Variants in ADAMTS19 observed in about 807,000 individuals in gnomAD.
The protein encoded by ADAMTS19 is A disintegrin and metalloproteinase with thrombospondin motifs 19.
ADAMTS19 carries 93 observed loss-of-function variants against 153.3 expected under a neutral mutation model. The observed-to-expected ratio is 0.61, with a 90% CI of 0.51 to 0.72. The LOEUF (loss-of-function observed/expected upper bound fraction) is 0.72. Ranked by LOEUF, ADAMTS19 falls within the 30% of genes least tolerant of loss-of-function variation. The pLI is 0.00. For synonymous variants in ADAMTS19, 600 were observed against 556.6 expected, an observed-to-expected ratio of 1.08 and a Z score of -1.10; for missense variants, 1,482 against 1,552.1, an observed-to-expected ratio of 0.95 and a Z score of 0.76.
chr5:129,679,730 T>TTAA, intron 16 of ADAMTS19, 34 bp from the exon 17 acceptor site: 1 of 1,534,166 alleles, frequency 6.5e-7, no homozygotes, highest in South Asian at 1.2e-5. Context: ...AGCTGACTTG[T>TTAA]TAATACTCAT....
At chr5:129,507,742 T>A (rs1263983449) in intron 2 of ADAMTS19, among the ~76,000 whole-genome samples, 1 of 147,020 alleles carries the variant, frequency 6.8e-6, no homozygotes, top group Admixed American at 6.8e-5. Context: ...GATTGAGACA[T>A]AGGGAAAGCA....
intron 2 of ADAMTS19, among the ~76,000 whole-genome samples, chr5:129,503,381 AT>A (rs1751165144): frequency 1.3e-5 from 2 of 152,220 alleles, no homozygotes; most frequent in Non-Finnish European, 2.9e-5. Context: ...AATCACTCCC[AT>A]TTACAGTAAT....
intron 18 of ADAMTS19, among the ~76,000 whole-genome samples, chr5:129,687,589 T>C (rs1755150417): frequency 6.6e-6 from 1 of 152,168 alleles, no homozygotes; most frequent in Non-Finnish European, 1.5e-5. Context: ...AGGAGAAATA[T>C]TATCTATTCT....
chr5:129,712,470 G>A (rs935542960), intron 21 of ADAMTS19, among the ~76,000 whole-genome samples: 5 of 152,088 alleles, frequency 3.3e-5, no homozygotes, highest in African/African-American at 1.2e-4. Context: ...TATCCACTGA[G>A]TACTTACAAA....
chr5:129,681,909 C>A (rs2127121699), intron 17 of ADAMTS19, among the ~76,000 whole-genome samples: 1 of 152,248 alleles, frequency 6.6e-6, no homozygotes, highest in East Asian at 1.9e-4. Context: ...GATTTGGTCA[C>A]TTATAATAAC....
At position 129,631,160 on chromosome 5, in the gene ADAMTS19, GTTT is replaced by G. The variant is rs35770896; in HGVS notation, c.1770+8831_1770+8833del. 4.8e-3 allele frequency among the ~76,000 whole-genome samples: 610 copies of G among 127,654 alleles called. 3 individuals carry two copies. Among genetic ancestry groups the G allele is most frequent in the African/African-American group, 0.014 (487 of 33,986 alleles). 83.7% of individuals were successfully genotyped at this position (127,654 alleles called of 152,430 possible). ...TATAATCACTTTGGGAAAATTTTAG[GTTT>G]TTTTTTTTTTTTTTTTTTATCACTT... On this transcript the variant is annotated intron_variant, in intron 10 of 22. Transcript: ENST00000274487.
At chr5:129,516,377 A>G (rs1751608770) in intron 3 of ADAMTS19, among the ~76,000 whole-genome samples, 1 of 149,898 alleles carries the variant, frequency 6.7e-6, no homozygotes, top group African/African-American at 2.5e-5. Flanking sequence ...TAGGATGGGT[A>G]TTAGTTCTTC....
At chr5:129,550,958 C>G (rs993742986) in intron 6 of ADAMTS19, among the ~76,000 whole-genome samples, 4 of 151,560 alleles carry the variant, frequency 2.6e-5, no homozygotes, top group Non-Finnish European at 3.0e-5. Flanking sequence ...TTAGAGCTTA[C>G]TTTGTGTGTG....
In ADAMTS19 at chr5:129,672,492, G is replaced by A. The variant is rs116447755; in HGVS notation, c.2506+6913G>A. Among the ~76,000 whole-genome samples, 778 of 152,116 alleles carry A rather than the reference G, an allele frequency of 5.1e-3. 9 individuals carry two copies. The highest frequency in any genetic ancestry group is 0.018 in the African/African-American group (753 of 41,490). On this transcript the variant is annotated intron_variant, in intron 16 of 22. Coordinates refer to ENST00000274487, the MANE Select transcript of ADAMTS19 (RefSeq NM_133638.6). ...CTTTGAGAGCCACAGGGACTCTGTG[G>A]ACAGAAAACAAAACCTAAGGCCTTT...
chr5:129,625,368 T>A (rs1472503812), intron 10 of ADAMTS19, among the ~76,000 whole-genome samples: 1 of 152,094 alleles, frequency 6.6e-6, no homozygotes, highest in Non-Finnish European at 1.5e-5. Flanking sequence ...GGGATCACTG[T>A]GTCAAATGGT....
At chr5:129,717,991 G>A (rs1756809193) in intron 21 of ADAMTS19, among the ~76,000 whole-genome samples, 1 of 152,110 alleles carries the variant, frequency 6.6e-6, no homozygotes, top group Non-Finnish European at 1.5e-5. Flanking sequence ...GTGGGAAGAT[G>A]TTTCACTGGA....
Position 129,622,244 on chromosome 5 carries a change from A to G in ADAMTS19, c.1666A>G (p.Asn556Asp). Residue 556 changes from asparagine (N) to aspartate (D), a missense_variant, in exon 10 of 23, where the codon AAT becomes GAT. By Grantham distance (23) the Asn-to-Asp change is conservative. Transcript: ENST00000274487. ...CLLQTNPQSV[N>D]SVMVPSKLPG... ...GCTACAAACAAATCCGCAGAGTGTC[A>G]ATTCTGTGATGGTTCCCTCCAAGCT... The G allele has an allele frequency of 6.2e-7, 1 of 1,614,102 alleles. No homozygotes were observed. The highest frequency in any genetic ancestry group is 1.3e-5 in the African/African-American group (1 of 75,042).
At chr5:129,655,616 G>A (rs571939970) in intron 14 of ADAMTS19, among the ~76,000 whole-genome samples, 81 of 151,698 alleles carry the variant, frequency 5.3e-4, no homozygotes, top group South Asian at 4.8e-3. Flanking sequence ...TTTTTTCCTC[G>A]TAAAAATGCA....
At chr5:129,570,337 A>T (rs950005200) in intron 7 of ADAMTS19, among the ~76,000 whole-genome samples, 11 of 152,030 alleles carry the variant, frequency 7.2e-5, no homozygotes, top group Non-Finnish European at 1.3e-4. Context: ...GATTAAATGG[A>T]CCAGTTCATT....
rs1001001298 is a variant in ADAMTS19, at chr5:129,698,853, G to T, written c.2955-2535G>T. On this transcript the variant is annotated intron_variant, in intron 19 of 22. Coordinates refer to ENST00000274487, the MANE Select transcript of ADAMTS19 (RefSeq NM_133638.6). The stretch of plus-strand genomic sequence containing the variant: ...AATTTGGAAGATGTGCACTTTAGGA[G>T]AAATCCACCAGGGGACTCCAAAGCA... Among the ~76,000 whole-genome samples, 11 of 152,302 alleles carry T rather than the reference G, an allele frequency of 7.2e-5. No individual in the cohort carries two copies. The South Asian group carries it at 8.3e-4, about 11-fold the overall frequency.
rs371724330 is a variant in ADAMTS19 at position 129,461,653 on chromosome 5, G to A, written c.643G>A (p.Ala215Thr). 1.8e-5 allele frequency: 29 copies of A among 1,589,506 alleles called. No individual in the cohort carries two copies. The African/African-American group carries it at 1.9e-4, about 10-fold the overall frequency. Residue 215 changes from alanine (A) to threonine (T), a missense_variant, in exon 2 of 23, where the codon GCC becomes ACC. Around this residue, in one of 2 missense-constraint regions of ADAMTS19, gnomAD observed 866 missense variants for 827.7 expected, o/e 1.05. Transcript: ENST00000274487. The surrounding 1 kb of genome is among the most constrained non-coding windows in gnomAD (Gnocchi z 4.6). Reference protein sequence around the residue: ...PGPGPTGAASAPQPPAPPDAG... With the variant: ...PGPGPTGAASTPQPPAPPDAG... ...CCCCGGCCCCACGGGGGCAGCATCC[G>A]CCCCGCAACCTCCCGCGCCACCAGA...
rs1757761040 is a variant in ADAMTS19, at chr5:129,738,337, G to A, written c.*1119G>A. ...AATAAAATATGTAAAACTTCCCACT[G>A]AGAGACAATTCTTCATAGACTTGTC... On this transcript the variant is annotated 3_prime_UTR_variant, in exon 23 of 23. Coordinates refer to ENST00000274487, the MANE Select transcript of ADAMTS19 (RefSeq NM_133638.6). 6.6e-6 allele frequency: 1 copy of A among 151,992 alleles called. No individual in the cohort carries two copies. The highest frequency in any genetic ancestry group is 1.5e-5 in the Non-Finnish European group (1 of 67,960). The allele number at this position is 151,992 out of a possible 1,614,324, so 9.4% of individuals were successfully genotyped here.
rs1164471849 is a variant in ADAMTS19, at chr5:129,461,370, C to A, written c.360C>A (p.Asp120Glu). The A allele has an allele frequency of 2.1e-5, 28 of 1,347,154 alleles. No homozygotes were observed. Among genetic ancestry groups the A allele is most frequent in the East Asian group, 3.1e-5 (1 of 32,606 alleles). The allele number at this position is 1,347,154 out of a possible 1,614,324, so 83.5% of individuals were successfully genotyped here. ...CGCCGCCGTCGGAGGGTGAGGAGGA[C>A]GAGGAGCTCGAGTCGCAGGAGCTGC... Reference protein sequence around the residue: ...RPPPPSEGEEDEELESQELPR... With the variant: ...RPPPPSEGEEEEELESQELPR... The change falls in exon 2 of 23, where the codon GAC (aspartate) becomes GAA (glutamate). Residue 120 changes from aspartate to glutamate, a missense_variant. Transcript: ENST00000274487. The surrounding 1 kb of genome is among the most constrained non-coding windows in gnomAD (Gnocchi z 4.6).
In ADAMTS19 at chr5:129,461,026, C is replaced by CTG; in HGVS notation, c.92-73_92-72dup. On this transcript the variant is annotated intron_variant, in intron 1 of 22. Coordinates refer to ENST00000274487, the MANE Select transcript of ADAMTS19 (RefSeq NM_133638.6). The surrounding 1 kb of genome is among the most constrained non-coding windows in gnomAD (Gnocchi z 4.6). ...AACGCGAGCGCCCTGTATCTATGGA[C>CTG]TGTGAGCTTGGAAATGTTTGTGCTA... 1 of 1,281,152 alleles carries CTG rather than the reference C, an allele frequency of 7.8e-7. No individual in the cohort carries two copies. The highest frequency in any genetic ancestry group is 9.8e-7 in the Non-Finnish European group (1 of 1,016,512). 79.4% of individuals were successfully genotyped at this position (1,281,152 alleles called of 1,614,324 possible).
Sources: allele counts gnomAD v4.1 joint callset (sites outside exome capture counted in the v4.1 genomes callset), GRCh38; gene constraint gnomAD v4.1.1; regional missense constraint gnomAD v4.1.1; non-coding constraint Gnocchi (gnomAD v3.1); transcripts MANE v1.5; gene names NCBI Gene and HGNC (gene_info 2026-07-23, HGNC 2026-07-21).